AGBL1: variants seen among roughly 807,000 people sequenced by gnomAD.
The protein encoded by AGBL1 is AGBL carboxypeptidase 1.
AGBL1 carries 130 observed loss-of-function variants against 118.9 expected under a neutral mutation model. The observed-to-expected ratio is 1.09, with a 90% CI of 0.95 to 1.26. The LOEUF (loss-of-function observed/expected upper bound fraction) is 1.26, where lower values mean the gene tolerates loss of function less well. AGBL1 is among the 50% of genes most tolerant of loss of function. The probability of loss-of-function intolerance (pLI) is 0.00; values close to 1 mark genes in which losing one functional copy is unlikely to be tolerated. For missense variants in AGBL1, 1,584 were observed against 1,298.1 expected (o/e 1.22, Z -3.38); for synonymous variants, 555 against 478.9 (o/e 1.16, Z -2.08).
chr15:86,785,141 A>C (rs1231039624), intron 22 of AGBL1, among the ~76,000 whole-genome samples: 1 of 151,998 alleles, frequency 6.6e-6, no homozygotes, highest in Middle Eastern at 3.2e-3. Flanking sequence ...CCTGAAGCTA[A>C]GGAGGAATAG....
chr15:87,023,004 A>C (rs1304471564), intron 24 of AGBL1, among the ~76,000 whole-genome samples: 1 of 152,076 alleles, frequency 6.6e-6, no homozygotes, highest in African/African-American at 2.4e-5. Flanking sequence ...ACATCAAAAC[A>C]AAACCACTTT....
At position 86,735,670 on chromosome 15, in the gene AGBL1, T is replaced by A. The variant is rs986689530; in HGVS notation, c.3158+61234T>A. Among the ~76,000 whole-genome samples the A allele has an allele frequency of 5.1e-5, 6 of 116,696 alleles. No individual in the cohort carries two copies. The East Asian group carries it at 9.6e-4, about 19-fold the overall frequency. 76.6% of individuals were successfully genotyped at this position (116,696 alleles called of 152,430 possible). A position where few individuals can be genotyped will look rare whatever the true frequency, so the allele number is the denominator to read the frequency against. On this transcript the variant is annotated intron_variant, in intron 22 of 22. Coordinates refer to ENST00000614907, the MANE Select transcript of AGBL1 (RefSeq NM_001386094.1). Reference sequence around the variant, plus strand: ...TACAAAGAGAGATATATATATATATTTTATTTGTCTGCATACTGTCTCTCT... The same window carrying A: ...TACAAAGAGAGATATATATATATATATTATTTGTCTGCATACTGTCTCTCT...
intron 17 of AGBL1, among the ~76,000 whole-genome samples, chr15:86,385,516 T>C (rs76499100): frequency 0.044 from 6,672 of 152,278 alleles, 231 homozygotes; most frequent in East Asian, 0.14. Flanking sequence ...ACTTTTCTAG[T>C]AGAGGAAAAT....
At chr15:86,668,831 G>A (rs1314174623) in intron 21 of AGBL1, among the ~76,000 whole-genome samples, 1 of 152,158 alleles carries the variant, frequency 6.6e-6, no homozygotes, top group Non-Finnish European at 1.5e-5. Flanking sequence ...AAGGGACAAT[G>A]TGGGCATATT....
intron 22 of AGBL1, among the ~76,000 whole-genome samples, chr15:86,743,340 G>A (rs565301257): frequency 6.6e-6 from 1 of 152,180 alleles, no homozygotes; most frequent in East Asian, 1.9e-4. Flanking sequence ...GGGGTTAAAT[G>A]TTATCATCAA....
intron 21 of AGBL1, among the ~76,000 whole-genome samples, chr15:86,555,472 T>C (rs947908995): frequency 1.3e-5 from 2 of 152,302 alleles, no homozygotes; most frequent in Admixed American, 6.5e-5. Context: ...TAACTTCTCA[T>C]GTAGTCGAAG....
At chr15:86,709,296 A>G (rs1421985365) in intron 22 of AGBL1, among the ~76,000 whole-genome samples, 1 of 151,672 alleles carries the variant, frequency 6.6e-6, no homozygotes, top group African/African-American at 2.4e-5. Context: ...CTTTTTTGCT[A>G]TTGGGTTGTG....
intron 22 of AGBL1, among the ~76,000 whole-genome samples, chr15:86,812,511 G>C (rs756496291): frequency 6.6e-6 from 1 of 152,174 alleles, no homozygotes; most frequent in Non-Finnish European, 1.5e-5. Flanking sequence ...TCCACCACAA[G>C]CCTCTTGAAT....
chr15:86,099,608 T>C (rs202168089), intron 1 of AGBL1, among the ~76,000 whole-genome samples: 1 of 151,584 alleles, frequency 6.6e-6, no homozygotes, highest in Non-Finnish European at 1.5e-5. Context: ...GGTGCGATCT[T>C]GGCTCACTGC....
At chr15:86,319,568 T>C (rs2080071058) in intron 17 of AGBL1, among the ~76,000 whole-genome samples, 1 of 152,088 alleles carries the variant, frequency 6.6e-6, no homozygotes, top group Admixed American at 6.5e-5. Context: ...ATACCAATTC[T>C]GACGTAAATC....
intron 5 of AGBL1, among the ~76,000 whole-genome samples, chr15:86,198,079 G>C (rs1442895724): frequency 6.6e-6 from 1 of 152,114 alleles, no homozygotes; most frequent in African/African-American, 2.4e-5. Flanking sequence ...CAGAGTCATG[G>C]GGGTGACAGA....
rs1042394999 is a variant in AGBL1, at chr15:86,911,803, A to G, written c.*4509A>G. 6.6e-6 allele frequency: 1 copy of G among 152,158 alleles called. No individual in the cohort carries two copies. The highest frequency in any genetic ancestry group is 2.4e-5 in the African/African-American group (1 of 41,434). 9.4% of individuals were successfully genotyped at this position (152,158 alleles called of 1,614,324 possible). On this transcript the variant is annotated 3_prime_UTR_variant, in exon 23 of 23. Transcript: ENST00000614907. ...CCTTTCTTCTATAAAACTTGTCCTCATCACCCAATGCCAAGTTATATATAA... is the reference window on the plus strand; with the variant it reads ...CCTTTCTTCTATAAAACTTGTCCTCGTCACCCAATGCCAAGTTATATATAA...
In AGBL1 at chr15:86,298,246, A is replaced by ATATATATATATATATAT. The variant is rs1555462936; in HGVS notation, c.2374+2838_2374+2839insTATATATATATATATAT. ...GTATACAGGGTACGTGTCTGTGTAT[A>ATATATATATATATATAT]ATATATATATATATATATATATATA... is the stretch of plus-strand genomic sequence containing the variant. On this transcript the variant is annotated intron_variant, in intron 17 of 22. Coordinates refer to ENST00000614907, the MANE Select transcript of AGBL1 (RefSeq NM_001386094.1). Among the ~76,000 whole-genome samples the ATATATATATATATATAT allele has an allele frequency of 3.7e-4, 26 of 69,802 alleles. 1 individual carries two copies. The highest frequency in any genetic ancestry group is 1.6e-3 in the African/African-American group (25 of 15,348). 45.8% of individuals were successfully genotyped at this position (69,802 alleles called of 152,430 possible).
At chr15:86,779,755 T>C (rs2078305919) in intron 22 of AGBL1, among the ~76,000 whole-genome samples, 1 of 152,164 alleles carries the variant, frequency 6.6e-6, no homozygotes, top group African/African-American at 2.4e-5. Context: ...TTAATTTCCA[T>C]TTTTTTCAGA....
At chr15:86,667,440 A>G (rs958682607) in intron 21 of AGBL1, among the ~76,000 whole-genome samples, 1 of 152,032 alleles carries the variant, frequency 6.6e-6, no homozygotes, top group Non-Finnish European at 1.5e-5. Context: ...TCTTCCTGAC[A>G]CTACTACCCA....
chr15:86,983,267 T>A (rs1462278195), intron 23 of AGBL1, among the ~76,000 whole-genome samples: 2 of 152,198 alleles, frequency 1.3e-5, no homozygotes, highest in African/African-American at 2.4e-5. Flanking sequence ...CAGGATCTTC[T>A]ATTATAATCA....
Position 86,441,388 on chromosome 15 carries a change from C to G in AGBL1, c.2555+43842C>G, listed in dbSNP as rs1596119196. On this transcript the variant is annotated intron_variant, in intron 18 of 22. Transcript: ENST00000614907. ...AAACAAAAAAAATTCTTCAGCGGCT[C>G]TCTCCAATTCCTGCTCAAACAAAAT... Among the ~76,000 whole-genome samples, 5 of 152,210 alleles carry G rather than the reference C, an allele frequency of 3.3e-5. No homozygotes were observed. In the South Asian group the frequency reaches 1.0e-3, roughly 31 times the overall value.
intron 22 of AGBL1, among the ~76,000 whole-genome samples, chr15:86,699,829 T>C (rs1437439524): frequency 3.3e-5 from 5 of 152,102 alleles, no homozygotes; most frequent in Admixed American, 2.6e-4. Flanking sequence ...TCCTTGTAAC[T>C]AATAGCTATT....
intron 22 of AGBL1, among the ~76,000 whole-genome samples, chr15:86,858,849 G>T (rs8033035): frequency 0.019 from 2,900 of 152,244 alleles, 89 homozygotes; most frequent in African/African-American, 0.063. Context: ...GTGGACTCCA[G>T]ACCACTGTGT....
Sources: allele counts gnomAD v4.1 joint callset (sites outside exome capture counted in the v4.1 genomes callset), GRCh38; gene constraint gnomAD v4.1.1; transcripts MANE v1.5; gene names NCBI Gene and HGNC (gene_info 2026-07-23, HGNC 2026-07-21).